The following DENND2B variants were observed in gnomAD, a reference collection of about 807,000 sequenced individuals.
The protein encoded by DENND2B is DENN domain-containing protein 2B.
DENND2B carries 32 observed loss-of-function variants against 116.0 expected under a neutral mutation model. That is an observed-to-expected ratio of 0.28 (90% CI 0.21 to 0.37). The LOEUF is 0.37. Ranked by LOEUF, DENND2B falls within the 10% of genes least tolerant of loss-of-function variation. The pLI is 1.00. For missense variants in DENND2B, 1,276 were observed against 1,477.7 expected (o/e 0.86, Z 2.24); for synonymous variants, 588 against 583.9 (o/e 1.01, Z -0.10).
chr11:8,813,773 A>G (rs1248497456), upstream of DENND2B, among the ~76,000 whole-genome samples: 2 of 152,152 alleles, frequency 1.3e-5, no homozygotes, highest in African/African-American at 4.8e-5. Context: ...CCCTAGTGGC[A>G]TGCTGGAGTT....
chr11:8,882,396 A>G (rs34105455), intron 1 of DENND2B, among the ~76,000 whole-genome samples: 14,141 of 152,258 alleles, frequency 0.093, 936 homozygotes, highest in Non-Finnish European at 0.13. Context: ...TTCATAGCCC[A>G]TAACCATTGT....
chr11:8,711,110 G>A lies in DENND2B; in HGVS notation c.2282+12C>T, dbSNP rs536516126. The A allele has an allele frequency of 2.5e-6, 4 of 1,612,990 alleles. No homozygotes were observed. The South Asian group carries it at 3.3e-5, about 13-fold the overall frequency. ...TATGCTCCTTCCTCCCTCAGGCCAG[G>A]CCAGGCCTCACCTGCTATACTCTGA... On this transcript the variant is annotated intron_variant, in intron 10 of 19. Transcript: ENST00000313726.
At chr11:8,905,451 A>G (rs555172494) in intron 1 of DENND2B, among the ~76,000 whole-genome samples, 5 of 152,338 alleles carry the variant, frequency 3.3e-5, no homozygotes, top group Admixed American at 6.5e-5. Flanking sequence ...GAGGAAACAT[A>G]GAAAAAATCT....
At chr11:8,800,169 G>T (rs1185960188) in intron 1 of DENND2B, among the ~76,000 whole-genome samples, 1 of 152,020 alleles carries the variant, frequency 6.6e-6, no homozygotes, top group African/African-American at 2.4e-5. Flanking sequence ...GCCCAGGCTG[G>T]TTTCAAACTC....
At chr11:8,824,652 T>C (rs1463407293) in intron 4 of DENND2B, among the ~76,000 whole-genome samples, 1 of 152,152 alleles carries the variant, frequency 6.6e-6, no homozygotes, top group Non-Finnish European at 1.5e-5. Context: ...AGTGTTGCAA[T>C]GAACATACAT....
chr11:8,730,058 G>C lies in DENND2B; in HGVS notation c.1232C>G (p.Pro411Arg). The stretch of plus-strand genomic sequence containing the variant: ...TGGAGCAGCAGGTGTGGGTGAAGGA[G>C]GTAGACCATTACTGGGCTTACTCTT... ...NPKSKPSNGL[P>R]PSPTPAAPPP... is the part of the protein sequence containing the mutation. The change falls in exon 3 of 20, where the codon CCT becomes CGT. Residue 411 changes from proline (P) to arginine (R), a missense_variant. Physicochemically the swap from Pro to Arg is moderately radical, Grantham distance 103. Transcript: ENST00000313726. The surrounding 1 kb of genome is among the most constrained non-coding windows in gnomAD (Gnocchi z 4.1). 6.2e-7 allele frequency: 1 copy of C among 1,614,204 alleles called. No homozygotes were observed. The highest frequency in any genetic ancestry group is 1.1e-5 in the South Asian group (1 of 91,092).
chr11:8,730,665 CGCTGGGACAGCCCAG>C lies in DENND2B; in HGVS notation c.610_624del (p.Leu204_Ser208del), dbSNP rs774568670. ...TCAGAGCTGCAGGGGGACGGCACCA[CGCTGGGACAGCCCAG>C]GCTGGGGCAGCCCTCACTGGCCGCC... On this transcript the variant is annotated inframe_deletion, in exon 3 of 20. Transcript: ENST00000313726. This position sits in a 1 kb window ranked among gnomAD's most constrained non-coding sequence, Gnocchi z 4.1. The C allele has an allele frequency of 1.3e-5, 21 of 1,612,268 alleles. No individual in the cohort carries two copies. The highest frequency in any genetic ancestry group is 2.7e-5 in the African/African-American group (2 of 74,932).
Position 8,836,709 on chromosome 11 carries a change from G to A in DENND2B, c.-115+2601C>T, listed in dbSNP as rs562443235. ...TGCTGGATTATAGGTGTGACCCACC[G>A]CGCCCGGCTACTTTGTTGTTTTTGA... On this transcript the variant is annotated intron_variant, in intron 4 of 6. Coordinates refer to the DENND2B transcript ENST00000524757. Among the ~76,000 whole-genome samples the A allele has an allele frequency of 2.8e-4, 42 of 151,284 alleles. 1 individual carries two copies. Among genetic ancestry groups the A allele is most frequent in the African/African-American group, 7.5e-4 (31 of 41,242 alleles).
rs1228183199 is a variant in DENND2B at position 8,694,037 on chromosome 11, G to GC, written c.*58dup. 1.2e-6 allele frequency: 2 copies of GC among 1,603,200 alleles called. No homozygotes were observed. The highest frequency in any genetic ancestry group is 2.7e-5 in the African/African-American group (2 of 74,814). ...AGCAGCCCAGAGGGTCCCAGGCTGG[G>GC]CCTTCTCCCCAGGCTTCAGGCTCTG... On this transcript the variant is annotated 3_prime_UTR_variant, in exon 20 of 20. Transcript: ENST00000313726.
intron 3 of DENND2B, 79 bp from the exon 4 acceptor site, chr11:8,726,288 C>A: frequency 6.5e-7 from 1 of 1,527,210 alleles, no homozygotes; most frequent in Non-Finnish European, 8.8e-7. Flanking sequence ...ATGGCAACAG[C>A]AAAGACCATA....
chr11:8,772,105 AC>A (rs2056995549), intron 1 of DENND2B, among the ~76,000 whole-genome samples: 1 of 148,406 alleles, frequency 6.7e-6, no homozygotes, highest in Non-Finnish European at 1.5e-5. Flanking sequence ...AGGGTGGTGC[AC>A]CCTGAGAGGG....
chr11:8,696,586 G>C lies in DENND2B; in HGVS notation c.3133C>G (p.Leu1045Val). Residue 1045 changes from leucine to valine, a missense_variant, in exon 18 of 20, where the codon CTG becomes GTG. Around this residue, in one of 2 missense-constraint regions of DENND2B, gnomAD observed 420 missense variants for 631.1 expected, o/e 0.67. Transcript: ENST00000313726. ...CTCTCTCCCTTCTCACTCTGTGTCA[G>C]AAAGAGGGAGTAGTGCCCAACGGTC... ...VETVGHYSLF[L>V]TQSEKGERAF... 1 of 1,614,188 alleles carries C rather than the reference G, an allele frequency of 6.2e-7. No homozygotes were observed. The highest frequency in any genetic ancestry group is 8.5e-7 in the Non-Finnish European group (1 of 1,180,044).
intron 1 of DENND2B, among the ~76,000 whole-genome samples, chr11:8,802,649 A>T (rs1232489396): frequency 6.6e-6 from 1 of 152,184 alleles, no homozygotes; most frequent in Non-Finnish European, 1.5e-5. Context: ...TAACTGGCTC[A>T]CCCTAAACTC....
intron 16 of DENND2B, among the ~76,000 whole-genome samples, chr11:8,698,313 C>T (rs1288886260): frequency 6.6e-6 from 1 of 152,054 alleles, no homozygotes; most frequent in African/African-American, 2.4e-5. Context: ...CAGCCTGTGT[C>T]TCAGGAATGA....
chr11:8,834,187 A>T (rs2062327014), intron 4 of DENND2B, among the ~76,000 whole-genome samples: 1 of 152,200 alleles, frequency 6.6e-6, no homozygotes, highest in Non-Finnish European at 1.5e-5. Flanking sequence ...GTCACCTGGA[A>T]CCTAGTACAG....
Position 8,889,476 on chromosome 11 carries a change from G to A in DENND2B, c.-255-8367C>T, listed in dbSNP as rs147246672. Among the ~76,000 whole-genome samples the A allele has an allele frequency of 3.3e-3, 497 of 152,342 alleles. 2 individuals carry two copies. Among genetic ancestry groups the A allele is most frequent in the African/African-American group, 8.6e-3 (356 of 41,580 alleles). On this transcript the variant is annotated intron_variant, in intron 1 of 22. Coordinates refer to the DENND2B transcript ENST00000534127. ...CTCACCCGGGAAACGCAAGGGTCAG[G>A]GAATTCCCTTTCCTAGCCAAGGGAA...
intron 11 of DENND2B, among the ~76,000 whole-genome samples, chr11:8,709,120 G>A (rs1017945712): frequency 2.6e-5 from 4 of 152,174 alleles, no homozygotes; most frequent in Non-Finnish European, 5.9e-5. Flanking sequence ...CTGGCCCCTC[G>A]TGCAGGCTGC....
chr11:8,773,065 T>A (rs2057165499), intron 1 of DENND2B, among the ~76,000 whole-genome samples: 1 of 152,242 alleles, frequency 6.6e-6, no homozygotes, highest in Admixed American at 6.5e-5. Flanking sequence ...TATAATTTCA[T>A]AGGAATGTAA....
chr11:8,730,035 GAGC>G lies in DENND2B; in HGVS notation c.1252_1254del (p.Ala418del). ...GCTGGGGTGGAGGGCAAGGGAGGTG[GAGC>G]AGCAGGTGTGGGTGAAGGAGGTAGA... On this transcript the variant is annotated inframe_deletion, in exon 3 of 20. Transcript: ENST00000313726. The surrounding 1 kb of genome is among the most constrained non-coding windows in gnomAD (Gnocchi z 4.1). 1 of 1,614,242 alleles carries G rather than the reference GAGC, an allele frequency of 6.2e-7. No individual in the cohort carries two copies. The highest frequency in any genetic ancestry group is 8.5e-7 in the Non-Finnish European group (1 of 1,180,046).
Sources: gnomAD v4.1 joint callset for allele counts (sites outside exome capture counted in the v4.1 genomes callset) on GRCh38, gnomAD v4.1.1 for gene constraint, gnomAD v4.1.1 regional missense constraint, Gnocchi (gnomAD v3.1) non-coding constraint, MANE v1.5 for transcripts, NCBI Gene and HGNC (gene_info 2026-07-23, HGNC 2026-07-21) for gene names.